The following PCDHGB1 variants were observed in gnomAD, a reference collection of about 807,000 sequenced individuals.
PCDHGB1 encodes the protein protocadherin gamma subfamily B, 1.
PCDHGB1 carries 34 observed loss-of-function variants against 56.6 expected under a neutral mutation model. The ratio of observed to expected loss-of-function variants is 0.60; its 90% CI spans 0.46 to 0.80. PCDHGB1 has a LOEUF of 0.80. PCDHGB1 is among the 30% of genes least tolerant of loss of function. The pLI, the probability that PCDHGB1 is intolerant of heterozygous loss-of-function variation, is 0.00. For missense variants in PCDHGB1, 1,278 were observed against 1,204.6 expected (o/e 1.06, Z -0.90); for synonymous variants, 561 against 505.9 (o/e 1.11, Z -1.46).
intron 1 of PCDHGB1, chr5:141,410,304 T>C (rs1232480024): frequency 6.2e-7 from 1 of 1,614,024 alleles, no homozygotes; most frequent in Non-Finnish European, 8.5e-7. Context: ...TTAATCTCAG[T>C]GCTCTTCCTC....
rs758013542 is a variant in PCDHGB1 at position 141,418,314 on chromosome 5, C to A, written c.2409+65645C>A. 9 of 1,613,988 alleles carry A rather than the reference C, an allele frequency of 5.6e-6. No homozygotes were observed. In the East Asian group the frequency reaches 1.3e-4, roughly 24 times the overall value. On this transcript the variant is annotated intron_variant, in intron 1 of 3. Coordinates refer to ENST00000523390, the MANE Select transcript of PCDHGB1 (RefSeq NM_018922.3). ...GAATCCGTCAGCCTGGGGATGGGAACAATTCTTGAGTCTGCAGAAGATCCT... is the reference window on the plus strand; with the variant it reads ...GAATCCGTCAGCCTGGGGATGGGAAAAATTCTTGAGTCTGCAGAAGATCCT...
At chr5:141,463,034 G>A (rs2099051345) in intron 1 of PCDHGB1, among the ~76,000 whole-genome samples, 2 of 152,112 alleles carry the variant, frequency 1.3e-5, no homozygotes, top group African/African-American at 4.8e-5. Flanking sequence ...ATTAATCTGA[G>A]TGTTCAGCAG....
intron 1 of PCDHGB1, among the ~76,000 whole-genome samples, chr5:141,480,895 A>G (rs1275670492): frequency 6.6e-6 from 1 of 152,048 alleles, no homozygotes; most frequent in African/African-American, 2.4e-5. Flanking sequence ...AAATGCAAAC[A>G]TTAGCTGGGC....
chr5:141,495,109 C>A (rs1445945970), intron 2 of PCDHGB1, among the ~76,000 whole-genome samples: 3 of 152,278 alleles, frequency 2.0e-5, no homozygotes, highest in South Asian at 2.1e-4. Context: ...CGACCGGCAC[C>A]TTTTCCTATC....
Position 141,417,741 on chromosome 5 carries a change from A to G in PCDHGB1, c.2409+65072A>G, listed in dbSNP as rs1035037382. ...CTGCGCAGACCTTGCCCAGCACACCAGATTGCCAGCTCCGAGACCCGGGAC... is the reference window on the plus strand; with the variant it reads ...CTGCGCAGACCTTGCCCAGCACACCGGATTGCCAGCTCCGAGACCCGGGAC... On this transcript the variant is annotated intron_variant, in intron 1 of 3. Coordinates refer to ENST00000523390, the MANE Select transcript of PCDHGB1 (RefSeq NM_018922.3). The G allele has an allele frequency of 1.7e-5, 24 of 1,413,756 alleles. No individual in the cohort carries two copies. The African/African-American group carries it at 1.7e-4, about 10-fold the overall frequency. The allele number at this position is 1,413,756 out of a possible 1,614,324, so 87.6% of individuals were successfully genotyped here.
At chr5:141,419,505 G>C in intron 1 of PCDHGB1, 1 of 1,612,324 alleles carries the variant, frequency 6.2e-7, no homozygotes, top group Non-Finnish European at 8.5e-7. Flanking sequence ...GTGAGCCTGC[G>C]CGTGTTGGTG....
intron 1 of PCDHGB1, chr5:141,376,296 C>T (rs769852070): frequency 1.2e-6 from 2 of 1,614,184 alleles, no homozygotes; most frequent in Non-Finnish European, 1.7e-6. Flanking sequence ...ATGCCCGGCT[C>T]GCACTTTGTG....
intron 1 of PCDHGB1, among the ~76,000 whole-genome samples, chr5:141,362,919 G>A (rs1391703031): frequency 6.6e-6 from 1 of 152,202 alleles, no homozygotes; most frequent in East Asian, 1.9e-4. Flanking sequence ...ATACTTCAGA[G>A]TAAAGAGAGT....
intron 1 of PCDHGB1, chr5:141,397,859 C>T: frequency 1.8e-6 from 1 of 559,674 alleles, no homozygotes. Context: ...CTGTAGTTTC[C>T]TAGTGCTGAC....
In PCDHGB1 at chr5:141,352,702, T is replaced by C. The variant is rs372567445; in HGVS notation, c.2409+33T>C. ...TCTGCAAATCTAGTTAAATTTTATA[T>C]ATGGCGGCCGGGCGCGGTGGCTCAA... On this transcript the variant is annotated intron_variant, in intron 1 of 3. Coordinates refer to ENST00000523390, the MANE Select transcript of PCDHGB1 (RefSeq NM_018922.3). 128 of 1,548,302 alleles carry C rather than the reference T, an allele frequency of 8.3e-5. No individual in the cohort carries two copies. In the African/African-American group the frequency reaches 1.1e-3, roughly 14 times the overall value.
At chr5:141,366,024 C>G in intron 1 of PCDHGB1, 1 of 1,614,260 alleles carries the variant, frequency 6.2e-7, no homozygotes, top group Non-Finnish European at 8.5e-7. Context: ...ATCCTGTACC[C>G]CGCCCTCCCC....
At position 141,486,927 on chromosome 5, in the gene PCDHGB1, G is replaced by T. The variant is rs2099637231; in HGVS notation, c.2410-7880G>T. On this transcript the variant is annotated intron_variant, in intron 1 of 3. Transcript: ENST00000523390. The surrounding 1 kb of genome is among the most constrained non-coding windows in gnomAD (Gnocchi z 5.0). ...CCCCAAGCACTGCCTCCATCAGTTG[G>T]TGCTGGCCACCTAATCACAAAGGTG... 1 of 1,614,108 alleles carries T rather than the reference G, an allele frequency of 6.2e-7. No homozygotes were observed. Among genetic ancestry groups the T allele is most frequent in the Non-Finnish European group, 8.5e-7 (1 of 1,180,054 alleles).
intron 1 of PCDHGB1, among the ~76,000 whole-genome samples, chr5:141,373,465 A>G (rs2150023959): frequency 6.6e-6 from 1 of 152,348 alleles, no homozygotes; most frequent in Non-Finnish European, 1.5e-5. Flanking sequence ...AGCAGCTGCA[A>G]TGAGCTATAA....
chr5:141,364,219 G>A lies in PCDHGB1; in HGVS notation c.2409+11550G>A, dbSNP rs1277207859. 4.5e-6 allele frequency: 6 copies of A among 1,322,924 alleles called. No individual in the cohort carries two copies. In the Admixed American group the frequency reaches 1.8e-4, roughly 41 times the overall value. 81.9% of individuals were successfully genotyped at this position (1,322,924 alleles called of 1,614,324 possible). On this transcript the variant is annotated intron_variant, in intron 1 of 3. Coordinates refer to ENST00000523390, the MANE Select transcript of PCDHGB1 (RefSeq NM_018922.3). The stretch of plus-strand genomic sequence containing the variant: ...CAGACCAGACAAGCTCCTACGAAAA[G>A]CCAACGCTCCACGCCCATTTTCGTC...
Position 141,476,021 on chromosome 5 carries a change from C to T in PCDHGB1, c.2410-18786C>T. The T allele has an allele frequency of 7.1e-7, 1 of 1,400,498 alleles. No individual in the cohort carries two copies. The highest frequency in any genetic ancestry group is 1.4e-5 in the South Asian group (1 of 71,458). 86.8% of individuals were successfully genotyped at this position (1,400,498 alleles called of 1,614,324 possible). A position where few individuals can be genotyped will look rare whatever the true frequency, so the allele number is the denominator to read the frequency against. ...GGCATCCAGAAAGCCATGTCGGACT[C>T]GGCGCCCAGCGCCCAAGCGCTAACC... On this transcript the variant is annotated intron_variant, in intron 1 of 3. Coordinates refer to ENST00000523390, the MANE Select transcript of PCDHGB1 (RefSeq NM_018922.3). This position sits in a 1 kb window ranked among gnomAD's most constrained non-coding sequence, Gnocchi z 7.6.
intron 1 of PCDHGB1, chr5:141,360,993 A>G: frequency 1.2e-6 from 2 of 1,613,632 alleles, no homozygotes; most frequent in Non-Finnish European, 1.7e-6. Context: ...ATGTGGACGA[A>G]CAAGTGAAAC....
In PCDHGB1 at chr5:141,390,133, A is replaced by G. The variant is rs1394678030; in HGVS notation, c.2409+37464A>G. ...AGCGAGGGGACTTTGCCTTATTCCT[A>G]CAATCTATGTGTTGCACATACAGGA... On this transcript the variant is annotated intron_variant, in intron 1 of 3. Coordinates refer to ENST00000523390, the MANE Select transcript of PCDHGB1 (RefSeq NM_018922.3). The G allele has an allele frequency of 3.1e-6, 5 of 1,614,040 alleles. No individual in the cohort carries two copies. The South Asian group carries it at 5.5e-5, about 18-fold the overall frequency.
rs536041905 is a variant in PCDHGB1, at chr5:141,376,529, C to T, written c.2409+23860C>T. The T allele has an allele frequency of 9.9e-6, 16 of 1,613,656 alleles. No homozygotes were observed. The African/African-American group carries it at 2.0e-4, about 20-fold the overall frequency. ...TCAGGTGAGTTTCTTTCCGCCTAAG[C>T]GGGAAGAGTAATCTGATCTTCCCGC... is the stretch of plus-strand genomic sequence containing the variant. On this transcript the variant is annotated intron_variant, in intron 1 of 3. Transcript: ENST00000523390.
chr5:141,428,387 G>A, intron 1 of PCDHGB1: 1 of 505,948 alleles, frequency 2.0e-6, no homozygotes, highest in South Asian at 2.0e-5. Context: ...TGCTCTTCCA[G>A]CCCCTCTGCC....
Sources: gnomAD v4.1 joint callset for allele counts (sites outside exome capture counted in the v4.1 genomes callset) on GRCh38, gnomAD v4.1.1 for gene constraint, Gnocchi (gnomAD v3.1) non-coding constraint, MANE v1.5 for transcripts, NCBI Gene and HGNC (gene_info 2026-07-23, HGNC 2026-07-21) for gene names.